Variants in CAPN11 observed in about 807,000 individuals in gnomAD.
The protein encoded by CAPN11 is calpain 11, also known as calpain-11.
CAPN11 carries 108 observed loss-of-function variants against 105.3 expected under a neutral mutation model. The observed-to-expected ratio is 1.03, with a 90% CI of 0.88 to 1.20. The LOEUF (loss-of-function observed/expected upper bound fraction) is 1.20, where lower values mean the gene tolerates loss of function less well. CAPN11 is among the 50% of genes most tolerant of loss of function. The pLI, the probability that CAPN11 is intolerant of heterozygous loss-of-function variation, is 0.00. For synonymous variants in CAPN11, 329 were observed against 344.5 expected (o/e 0.96, Z 0.50); for missense variants, 883 against 924.8 (o/e 0.95, Z 0.59).
chr6:44,168,170 T>C (rs1464661695), intron 2 of CAPN11, among the ~76,000 whole-genome samples: 1 of 152,236 alleles, frequency 6.6e-6, no homozygotes, highest in Non-Finnish European at 1.5e-5. Flanking sequence ...CATCAACTTC[T>C]AATCTCCTAT....
intron 1 of CAPN11, among the ~76,000 whole-genome samples, chr6:44,160,360 G>A (rs1768521184): frequency 6.6e-6 from 1 of 152,242 alleles, no homozygotes; most frequent in Admixed American, 6.5e-5. Context: ...GCTCACGCCT[G>A]TAATCCCAGC....
Position 44,180,775 on chromosome 6 carries a change from C to T in CAPN11, c.1774C>T (p.Gln592Ter). The T allele has an allele frequency of 2.5e-6, 4 of 1,613,720 alleles. No individual in the cohort carries two copies. The South Asian group carries it at 3.3e-5, about 13-fold the overall frequency. ...CAAGGAGATAGGGGTGTATGAGCTC[C>T]AGAGGCTGCTCAACAGGATGGCCAT... is the stretch of plus-strand genomic sequence containing the variant. ...EGKEIGVYEL[Q>*]RLLNRMAIKF... Residue 592 changes from glutamine to a stop codon, truncating the protein, a stop_gained, in exon 17 of 23, where the codon CAG becomes TAG. Coordinates refer to ENST00000398776, the MANE Select transcript of CAPN11 (RefSeq NM_007058.4). LOFTEE classifies it high-confidence loss of function.
rs561214694 is a variant in CAPN11 at position 44,159,266 on chromosome 6, A to T, written c.16+402A>T. ...TAGAGAAGAAAACTTTAGGGAACAG[A>T]GAGAACCTCTCCTAAGCCTAGAAAA... On this transcript the variant is annotated intron_variant, in intron 1 of 22. Transcript: ENST00000398776. Among the ~76,000 whole-genome samples, 8 of 152,272 alleles carry T rather than the reference A, an allele frequency of 5.3e-5. No individual in the cohort carries two copies. The South Asian group carries it at 1.7e-3, about 32-fold the overall frequency.
chr6:44,180,955 C>T lies in CAPN11; in HGVS notation c.1827C>T (p.Gly609=), dbSNP rs767080857. Residue 609 remains glycine (G), a synonymous_variant, in exon 18 of 23, where the codon GGC becomes GGT. Transcript: ENST00000398776. ...AIKFKSFKTK[G]FGLDACRCMI... ...CAGTCAAAAGCTTCAAGACCAAGGG[C>T]TTTGGCCTGGATGCTTGCCGCTGCA... 1 of 1,613,732 alleles carries T rather than the reference C, an allele frequency of 6.2e-7. No individual in the cohort carries two copies. Among genetic ancestry groups the T allele is most frequent in the South Asian group, 1.1e-5 (1 of 91,080 alleles).
intron 7 of CAPN11, among the ~76,000 whole-genome samples, chr6:44,174,660 C>T (rs1404980950): frequency 4.1e-5 from 6 of 147,304 alleles, no homozygotes; most frequent in African/African-American, 1.5e-4. Flanking sequence ...CACTCTGTCA[C>T]CCAGGCTGGA....
intron 9 of CAPN11, 77 bp downstream of exon 9, chr6:44,176,415 T>C: frequency 1.4e-6 from 2 of 1,386,074 alleles, no homozygotes; most frequent in Non-Finnish European, 2.1e-6. Flanking sequence ...TGGTGTCCCA[T>C]CTAGGAGAAC....
In CAPN11 at chr6:44,181,081, C is replaced by A. The variant is rs889109313; in HGVS notation, c.1869+84C>A. ...GATGGCCACCCTGGGCCAGCCACGT[C>A]CTCCTCCCTGATGGGGATTAGGCTC... On this transcript the variant is annotated intron_variant, in intron 18 of 22. Coordinates refer to ENST00000398776, the MANE Select transcript of CAPN11 (RefSeq NM_007058.4). 18 of 1,317,872 alleles carry A rather than the reference C, an allele frequency of 1.4e-5. 2 individuals carry two copies. The South Asian group carries it at 2.0e-4, about 15-fold the overall frequency. The allele number at this position is 1,317,872 out of a possible 1,614,324, so 81.6% of individuals were successfully genotyped here. A position where few individuals can be genotyped will look rare whatever the true frequency, so the allele number is the denominator to read the frequency against.
intron 2 of CAPN11, among the ~76,000 whole-genome samples, chr6:44,167,497 CAAAAAA>C (rs61107654): frequency 1.5e-4 from 4 of 27,074 alleles, no homozygotes; most frequent in African/African-American, 4.9e-4. Flanking sequence ...GACTCCATCT[CAAAAAA>C]AAAAAAAAAA....
rs2128312382 is a variant in CAPN11, at chr6:44,180,128, G to C, written c.1605G>C (p.Leu535=). 1 of 1,613,296 alleles carries C rather than the reference G, an allele frequency of 6.2e-7. No homozygotes were observed. The highest frequency in any genetic ancestry group is 1.7e-5 in the Admixed American group (1 of 59,968). ...TFEPHRDADF[L]LRVFTEKHSE... The stretch of plus-strand genomic sequence containing the variant: ...AGCCACACAGAGATGCTGACTTCCT[G>C]CTTCGGGTCTTCACCGAGAAGCACA... The change falls in exon 14 of 23, where the codon CTG becomes CTC. Residue 535 remains leucine (L), a synonymous_variant. Transcript: ENST00000398776.
chr6:44,163,944 C>A (rs1195693391), intron 1 of CAPN11, among the ~76,000 whole-genome samples: 1 of 152,148 alleles, frequency 6.6e-6, no homozygotes, highest in African/African-American at 2.4e-5. Context: ...CTGAAGTGAT[C>A]CTCCCACCTC....
At chr6:44,175,466 C>T (rs987725741) in intron 7 of CAPN11, among the ~76,000 whole-genome samples, 3 of 150,428 alleles carry the variant, frequency 2.0e-5, no homozygotes, top group Admixed American at 1.3e-4. Context: ...GGTGACACAG[C>T]GAGACCCTGT....
At chr6:44,161,863 G>A (rs1208215582) in intron 1 of CAPN11, 3 of 456,250 alleles carry the variant, frequency 6.6e-6, no homozygotes, top group East Asian at 6.9e-5. Context: ...ACTGCACGGT[G>A]CAAGGGCATG....
At chr6:44,165,543 A>G (rs183063083) in intron 1 of CAPN11, among the ~76,000 whole-genome samples, 179 of 152,322 alleles carry the variant, frequency 1.2e-3, no homozygotes, top group Non-Finnish European at 1.9e-3. Flanking sequence ...AAGAGGGTGC[A>G]GTAGACAATG....
chr6:44,177,494 T>C, intron 12 of CAPN11, 74 bp downstream of exon 12: 9 of 1,148,738 alleles, frequency 7.8e-6, no homozygotes, highest in Non-Finnish European at 1.1e-5. Context: ...CTTTCTTTCT[T>C]TTTTTTTTTT....
intron 21 of CAPN11, 99 bp downstream of exon 21, chr6:44,183,334 C>T (rs1039265593): frequency 2.0e-5 from 15 of 766,264 alleles, no homozygotes; most frequent in South Asian, 1.8e-4. Flanking sequence ...TCCCCTCCCC[C>T]TTACAAGGCA....
Position 44,181,299 on chromosome 6 carries a change from G to GA in CAPN11, c.1923dup (p.Leu642ThrfsTer12), listed in dbSNP as rs760239847. The GA allele has an allele frequency of 7.4e-6, 12 of 1,613,440 alleles. No homozygotes were observed. The highest frequency in any genetic ancestry group is 9.3e-6 in the Non-Finnish European group (11 of 1,179,592). On this transcript the variant is annotated frameshift_variant, in exon 19 of 23. Transcript: ENST00000398776. LOFTEE classifies it high-confidence loss of function. ...GGCTTCTAGAGTTCAAGATCCTGTGGAAAAAACTCAAGAAATGGATGGTAA... is the reference window on the plus strand; with the variant it reads ...GGCTTCTAGAGTTCAAGATCCTGTGGAAAAAAACTCAAGAAATGGATGGTAA...
intron 12 of CAPN11, 166 bp downstream of exon 12, chr6:44,177,586 C>T (rs575571683): frequency 3.2e-6 from 2 of 632,034 alleles, no homozygotes; most frequent in African/African-American, 1.8e-5. Flanking sequence ...CTCCCCAGTT[C>T]AAGTGATTCT....
At position 44,170,702 on chromosome 6, in the gene CAPN11, T is replaced by C. The variant is rs573402804; in HGVS notation, c.409+727T>C. ...ACTCAAGAGGAGAGGAATTAGGCTC[T>C]ACCTTTGGAAGGGAGGATGGTCAAA... is the stretch of plus-strand genomic sequence containing the variant. On this transcript the variant is annotated intron_variant, in intron 4 of 22. Coordinates refer to ENST00000398776, the MANE Select transcript of CAPN11 (RefSeq NM_007058.4). Among the ~76,000 whole-genome samples, 6 of 152,328 alleles carry C rather than the reference T, an allele frequency of 3.9e-5. No individual in the cohort carries two copies. The East Asian group carries it at 1.2e-3, about 29-fold the overall frequency.
At position 44,166,822 on chromosome 6, in the gene CAPN11, A is replaced by G. The variant is rs1769944894; in HGVS notation, c.81A>G (p.Ser27=). 1 of 1,550,154 alleles carries G rather than the reference A, an allele frequency of 6.5e-7. No homozygotes were observed. The highest frequency in any genetic ancestry group is 1.4e-5 in the African/African-American group (1 of 72,936). Residue 27 remains serine, a synonymous_variant, in exon 2 of 23, where the codon TCA becomes TCG. Coordinates refer to ENST00000398776, the MANE Select transcript of CAPN11 (RefSeq NM_007058.4). ...DGSQEDKPRG[S]CAEPTFTDTG... ...CACAGGAGGATAAGCCTCGGGGCTCATGTGCGGGTAGGACTGCAGACCCGT... is the reference window on the plus strand; with the variant it reads ...CACAGGAGGATAAGCCTCGGGGCTCGTGTGCGGGTAGGACTGCAGACCCGT...
Sources: gnomAD v4.1 joint callset for allele counts (sites outside exome capture counted in the v4.1 genomes callset) on GRCh38, gnomAD v4.1.1 for gene constraint, MANE v1.5 for transcripts, NCBI Gene and HGNC (gene_info 2026-07-23, HGNC 2026-07-21) for gene names.